Variants in NARS2 observed in about 807,000 individuals in gnomAD.
NARS2 encodes asparaginyl-tRNA synthetase 2, mitochondrial.
A neutral mutation model predicts 62.9 loss-of-function variants in NARS2; 60 were observed. That is an observed-to-expected ratio of 0.95 (90% CI 0.77 to 1.18). The LOEUF is 1.18. NARS2 is among the 50% of genes most tolerant of loss of function. NARS2 has a pLI of 0.00. For missense variants in NARS2, 619 were observed against 576.4 expected (o/e 1.07, Z -0.76); for synonymous variants, 196 against 200.0 (o/e 0.98, Z 0.17).
intron 7 of NARS2, among the ~76,000 whole-genome samples, chr11:78,483,465 G>A (rs1191561607): frequency 1.3e-5 from 2 of 152,188 alleles, no homozygotes; most frequent in Admixed American, 6.5e-5. Flanking sequence ...GTTTACAGAT[G>A]ACATGATTGT....
chr11:78,487,249 A>AG (rs1225827107), intron 7 of NARS2, among the ~76,000 whole-genome samples: 1 of 151,662 alleles, frequency 6.6e-6, no homozygotes, highest in Non-Finnish European at 1.5e-5. Context: ...CCAGCTACTC[A>AG]GGAGGCTGAG....
chr11:78,526,705 C>T (rs549429398), intron 6 of NARS2, among the ~76,000 whole-genome samples: 3 of 152,118 alleles, frequency 2.0e-5, no homozygotes, highest in East Asian at 1.9e-4. Context: ...GTTCACTGCG[C>T]TTTACTGGGA....
chr11:78,488,759 CG>C (rs1439869745), intron 7 of NARS2, among the ~76,000 whole-genome samples: 1 of 152,056 alleles, frequency 6.6e-6, no homozygotes, highest in African/African-American at 2.4e-5. Context: ...AAGTAGAATA[CG>C]GAACAGAATA....
chr11:78,543,402 A>G (rs939772653), intron 5 of NARS2, among the ~76,000 whole-genome samples: 2 of 152,204 alleles, frequency 1.3e-5, no homozygotes, highest in Non-Finnish European at 2.9e-5. Flanking sequence ...TATTGGCCCT[A>G]AAGAGTATAA....
At chr11:78,473,224 G>C (rs1054312834) in intron 9 of NARS2, among the ~76,000 whole-genome samples, 2 of 152,106 alleles carry the variant, frequency 1.3e-5, no homozygotes, top group South Asian at 2.1e-4. Context: ...AACAACAAAA[G>C]GACTAACATT....
chr11:78,509,547 A>G (rs912609658), intron 6 of NARS2, among the ~76,000 whole-genome samples: 1 of 152,310 alleles, frequency 6.6e-6, no homozygotes, highest in East Asian at 1.9e-4. Context: ...TTAAAAAAAA[A>G]CCTAAAACTA....
intron 9 of NARS2, among the ~76,000 whole-genome samples, chr11:78,473,281 G>C (rs1409060354): frequency 1.3e-5 from 2 of 152,192 alleles, no homozygotes; most frequent in African/African-American, 4.8e-5. Flanking sequence ...TTGCTGCCCA[G>C]TATTTCAGTT....
At chr11:78,452,537 T>A (rs2135168320) in intron 11 of NARS2, among the ~76,000 whole-genome samples, 1 of 152,154 alleles carries the variant, frequency 6.6e-6, no homozygotes. Flanking sequence ...CCTCTCTGAG[T>A]AGCTAAGATT....
At chr11:78,488,737 G>T (rs1411401976) in intron 7 of NARS2, among the ~76,000 whole-genome samples, 1 of 152,170 alleles carries the variant, frequency 6.6e-6, no homozygotes, top group Non-Finnish European at 1.5e-5. Flanking sequence ...TGTTTTACTT[G>T]AAGTGTTAAA....
intron 9 of NARS2, among the ~76,000 whole-genome samples, chr11:78,477,244 T>C (rs779898333): frequency 6.6e-5 from 10 of 152,168 alleles, no homozygotes; most frequent in Non-Finnish European, 1.5e-4. Flanking sequence ...TGCCCAAGAC[T>C]GTCTTATAAA....
chr11:78,469,352 CA>C lies in NARS2; in HGVS notation c.960-40del, dbSNP rs781047471. 44 of 1,464,430 alleles carry C rather than the reference CA, an allele frequency of 3.0e-5. No homozygotes were observed. In the African/African-American group the frequency reaches 5.6e-4, roughly 18 times the overall value. The allele number at this position is 1,464,430 out of a possible 1,614,324, so 90.7% of individuals were successfully genotyped here. On this transcript the variant is annotated intron_variant, in intron 9 of 13. Coordinates refer to ENST00000281038, the MANE Select transcript of NARS2 (RefSeq NM_024678.6). Reference sequence around the variant, plus strand: ...GGATACAAGCAGAGAAAAGTCAATACAATGGAGCTGCTAACTAGTTCATTTT... The same window carrying C: ...GGATACAAGCAGAGAAAAGTCAATACATGGAGCTGCTAACTAGTTCATTTT...
At chr11:78,457,971 G>A (rs1422123460) in intron 11 of NARS2, among the ~76,000 whole-genome samples, 2 of 152,098 alleles carry the variant, frequency 1.3e-5, no homozygotes, top group South Asian at 2.1e-4. Context: ...AGTGTGTAAC[G>A]GGGGCTTGGA....
chr11:78,560,238 C>T (rs1856510828), intron 4 of NARS2, among the ~76,000 whole-genome samples: 1 of 152,186 alleles, frequency 6.6e-6, no homozygotes, highest in African/African-American at 2.4e-5. Context: ...ACAATGGACT[C>T]CACATGGCAC....
At chr11:78,496,515 C>G (rs185458578) in intron 6 of NARS2, among the ~76,000 whole-genome samples, 1 of 152,230 alleles carries the variant, frequency 6.6e-6, no homozygotes, top group Admixed American at 6.5e-5. Context: ...AAACTCAAAT[C>G]CACATTTCTG....
intron 7 of NARS2, among the ~76,000 whole-genome samples, chr11:78,483,957 G>C (rs1859464587): frequency 1.3e-5 from 2 of 152,132 alleles, no homozygotes; most frequent in Non-Finnish European, 2.9e-5. Flanking sequence ...AAAGAACAAA[G>C]CTGGAGACAT....
Position 78,563,857 on chromosome 11 carries a change from T to A in NARS2, c.513+2275A>T, listed in dbSNP as rs1245124648. Reference sequence around the variant, plus strand: ...AAAAAAAAAAAAAAAAAAAAATATATATATATATATATGTATACACACACA... The same window carrying A: ...AAAAAAAAAAAAAAAAAAAAATATAAATATATATATATGTATACACACACA... On this transcript the variant is annotated intron_variant, in intron 4 of 13. Coordinates refer to ENST00000281038, the MANE Select transcript of NARS2 (RefSeq NM_024678.6). 6.5e-3 allele frequency among the ~76,000 whole-genome samples: 182 copies of A among 27,956 alleles called. 4 individuals carry two copies. The highest frequency in any genetic ancestry group is 8.0e-3 in the African/African-American group (93 of 11,568). 18.3% of individuals were successfully genotyped at this position (27,956 alleles called of 152,430 possible).
intron 7 of NARS2, 72 bp from the exon 8 acceptor site, chr11:78,478,755 A>G: frequency 2.5e-6 from 2 of 814,596 alleles, no homozygotes; most frequent in Non-Finnish European, 3.9e-6. Context: ...GGACTCAATA[A>G]GGACCGCATT....
chr11:78,485,817 G>C (rs577536272), intron 7 of NARS2, among the ~76,000 whole-genome samples: 4 of 152,266 alleles, frequency 2.6e-5, no homozygotes, highest in African/African-American at 9.6e-5. Flanking sequence ...TCCAACAGAG[G>C]AACTGGGAAA....
chr11:78,573,396 T>A (rs1347751035), intron 1 of NARS2: 2 of 151,870 alleles, frequency 1.3e-5, no homozygotes, highest in Non-Finnish European at 2.9e-5. Flanking sequence ...AATTATAGAG[T>A]GTGGTGGTGC....
Sources: allele counts gnomAD v4.1 joint callset (sites outside exome capture counted in the v4.1 genomes callset), GRCh38; gene constraint gnomAD v4.1.1; transcripts MANE v1.5; gene names NCBI Gene and HGNC (gene_info 2026-07-23, HGNC 2026-07-21).